The following BICC1 variants were observed in gnomAD, a reference collection of about 807,000 sequenced individuals.
BICC1 encodes the protein protein bicaudal C homolog 1.
In BICC1, 43 loss-of-function variants were observed where a neutral mutation model predicts 111.0. That is an observed-to-expected ratio of 0.39 (90% CI 0.30 to 0.50). BICC1 has a LOEUF of 0.50. Among genes scored for constraint, BICC1 ranks in the 20% least tolerant of loss-of-function variants. The pLI is 0.88. For missense variants in BICC1, 1,091 were observed against 1,203.2 expected, an observed-to-expected ratio of 0.91 and a Z score of 1.38; for synonymous variants, 467 against 434.4, an observed-to-expected ratio of 1.07 and a Z score of -0.93.
intron 1 of BICC1, among the ~76,000 whole-genome samples, chr10:58,589,129 T>C (rs565516247): frequency 6.6e-6 from 1 of 152,010 alleles, no homozygotes; most frequent in African/African-American, 2.4e-5. Context: ...TCTCCGAGAG[T>C]TCCCCTGCAG....
At chr10:58,638,355 G>A (rs1299663001) in intron 2 of BICC1, among the ~76,000 whole-genome samples, 1 of 152,086 alleles carries the variant, frequency 6.6e-6, no homozygotes, top group East Asian at 1.9e-4. Flanking sequence ...GCTTAAAAAT[G>A]TCAAATAGGA....
At chr10:58,827,285 G>A (rs181645570) in intron 20 of BICC1, among the ~76,000 whole-genome samples, 53 of 152,310 alleles carry the variant, frequency 3.5e-4, no homozygotes, top group South Asian at 1.0e-3. Context: ...TACACCATTG[G>A]AGATGTCATT....
At chr10:58,595,803 A>G (rs1844793903) in intron 1 of BICC1, among the ~76,000 whole-genome samples, 1 of 152,184 alleles carries the variant, frequency 6.6e-6, no homozygotes, top group Non-Finnish European at 1.5e-5. Context: ...AATTAAAAGA[A>G]CTAGAGAAGC....
At chr10:58,825,733 A>G (rs201380920) in intron 20 of BICC1, among the ~76,000 whole-genome samples, 2 of 152,232 alleles carry the variant, frequency 1.3e-5, no homozygotes, top group East Asian at 3.8e-4. Flanking sequence ...TGAGCAATTA[A>G]TCTCTCCAGT....
intron 2 of BICC1, among the ~76,000 whole-genome samples, chr10:58,673,747 C>A (rs987071744): frequency 6.6e-6 from 1 of 151,164 alleles, no homozygotes; most frequent in African/African-American, 2.4e-5. Context: ...TCAGCTTCCC[C>A]GAGTAGCTGG....
At chr10:58,535,907 A>G (rs1842813725) in intron 1 of BICC1, among the ~76,000 whole-genome samples, 6 of 151,620 alleles carry the variant, frequency 4.0e-5, no homozygotes, top group African/African-American at 1.5e-4. Context: ...CAGAAACCAA[A>G]AGCAAGCAGG....
intron 2 of BICC1, among the ~76,000 whole-genome samples, chr10:58,636,955 G>T (rs555969408): frequency 6.6e-6 from 1 of 151,272 alleles, no homozygotes; most frequent in Non-Finnish European, 1.5e-5. Context: ...CCTCTGGCTG[G>T]GGGGAAGGCT....
intron 1 of BICC1, among the ~76,000 whole-genome samples, chr10:58,549,950 A>G (rs1843251739): frequency 6.6e-6 from 1 of 151,940 alleles, no homozygotes; most frequent in Admixed American, 6.6e-5. Flanking sequence ...CGGCCTCCCA[A>G]AGTGCTGGGA....
intron 1 of BICC1, among the ~76,000 whole-genome samples, chr10:58,589,729 G>A (rs1389221145): frequency 1.3e-5 from 2 of 151,996 alleles, no homozygotes. Flanking sequence ...TCATGCCTCG[G>A]CTCCCAAAAC....
At chr10:58,718,654 T>C (rs1840825768) in intron 3 of BICC1, among the ~76,000 whole-genome samples, 1 of 152,166 alleles carries the variant, frequency 6.6e-6, no homozygotes. Flanking sequence ...TTTGAAGGAC[T>C]ATAGGAAAGT....
At chr10:58,711,034 G>A (rs1193434726) in intron 3 of BICC1, among the ~76,000 whole-genome samples, 1 of 152,060 alleles carries the variant, frequency 6.6e-6, no homozygotes, top group African/African-American at 2.4e-5. Context: ...TTTTTGTGGA[G>A]TTGGGGTCTC....
At chr10:58,581,332 GT>G (rs1383412124) in intron 1 of BICC1, among the ~76,000 whole-genome samples, 1 of 152,096 alleles carries the variant, frequency 6.6e-6, no homozygotes, top group East Asian at 1.9e-4. Context: ...AAATATGTCA[GT>G]TTATGATGAT....
At chr10:58,549,693 T>C (rs547448584) in intron 1 of BICC1, among the ~76,000 whole-genome samples, 241 of 141,800 alleles carry the variant, frequency 1.7e-3, no homozygotes, top group Non-Finnish European at 2.2e-3. Context: ...GTTTTTTTCT[T>C]TTTTTTTTTT....
intron 3 of BICC1, among the ~76,000 whole-genome samples, chr10:58,732,852 C>T (rs898743071): frequency 2.4e-4 from 37 of 152,154 alleles, no homozygotes; most frequent in African/African-American, 8.7e-4. Flanking sequence ...ACAATAGTAA[C>T]ATCTTCTGAT....
At chr10:58,569,651 C>A (rs1360936836) in intron 1 of BICC1, among the ~76,000 whole-genome samples, 1 of 152,164 alleles carries the variant, frequency 6.6e-6, no homozygotes, top group South Asian at 2.1e-4. Context: ...GTTCGGTTTT[C>A]TGTTCCTGTG....
chr10:58,535,402 C>T (rs1842799937), intron 1 of BICC1, among the ~76,000 whole-genome samples: 1 of 133,904 alleles, frequency 7.5e-6, no homozygotes, highest in Non-Finnish European at 1.7e-5. Context: ...GCAGAACAAA[C>T]CAGAAGAGAT....
chr10:58,672,107 T>C (rs530578314), intron 2 of BICC1, among the ~76,000 whole-genome samples: 134 of 152,318 alleles, frequency 8.8e-4, no homozygotes, highest in Non-Finnish European at 1.6e-3. Context: ...AAATTTACCA[T>C]TTTAACCATT....
intron 1 of BICC1, among the ~76,000 whole-genome samples, chr10:58,530,617 C>T (rs1842656409): frequency 7.0e-6 from 1 of 141,900 alleles, no homozygotes; most frequent in South Asian, 2.2e-4. Context: ...TCGCTGGAAT[C>T]AGAGATGAAG....
At chr10:58,670,148 C>G (rs987866575) in intron 2 of BICC1, among the ~76,000 whole-genome samples, 1 of 152,052 alleles carries the variant, frequency 6.6e-6, no homozygotes, top group African/African-American at 2.4e-5. Context: ...AAAATATTTG[C>G]TTTATCACAT....
Sources: allele counts gnomAD v4.1 joint callset (sites outside exome capture counted in the v4.1 genomes callset), GRCh38; gene constraint gnomAD v4.1.1; transcripts MANE v1.5; gene names NCBI Gene and HGNC (gene_info 2026-07-23, HGNC 2026-07-21).